FAAH2: variants seen among roughly 807,000 people sequenced by gnomAD.
FAAH2 encodes fatty acid amide hydrolase 2, also known as fatty-acid amide hydrolase 2.
In FAAH2, 60 loss-of-function variants were observed where a neutral mutation model predicts 36.9. The observed-to-expected ratio is 1.63, with a 90% confidence interval of 1.32 to 2.02. FAAH2 has a LOEUF of 2.02. Among genes scored for constraint, FAAH2 ranks in the 30% most tolerant of loss-of-function variants. The pLI is 0.00. For missense variants in FAAH2, 689 were observed against 397.5 expected (o/e 1.73, Z -6.23); for synonymous variants, 214 against 143.8 (o/e 1.49, Z -3.49).
intron 10 of FAAH2, among the ~76,000 whole-genome samples, chrX:57,455,507 C>T (rs1334028112): frequency 1.8e-5 from 2 of 110,854 alleles, no homozygotes; most frequent in Non-Finnish European, 3.8e-5. Context: ...GAGTGGCAAG[C>T]TAGATAAAAA....
chrX:57,209,694 A>C, the FAAH2 span, among the ~76,000 whole-genome samples: 1 of 111,564 alleles, frequency 9.0e-6, no homozygotes, highest in African/African-American at 3.3e-5. Context: ...CTGTTTTCTC[A>C]GTAGGTCATC....
At chrX:57,253,432 C>T in the FAAH2 span, among the ~76,000 whole-genome samples, 1 of 111,593 alleles carries the variant, frequency 9.0e-6, no homozygotes, top group Non-Finnish European at 1.9e-5. Flanking sequence ...CAAAAAGATA[C>T]TCTTTGAGAA....
At chrX:57,143,691 T>C in the FAAH2 span, among the ~76,000 whole-genome samples, 1 of 111,180 alleles carries the variant, frequency 9.0e-6, no homozygotes, top group South Asian at 3.8e-4. Context: ...TTGCCTGGGC[T>C]GGTCTTGAAC....
the FAAH2 span, among the ~76,000 whole-genome samples, chrX:57,209,943 TG>T: frequency 1.8e-5 from 2 of 109,539 alleles, no homozygotes; most frequent in African/African-American, 6.7e-5. Flanking sequence ...GTTAATTATG[TG>T]GTTTTTTTTT....
At chrX:57,441,213 C>T (rs754358914) in intron 8 of FAAH2, among the ~76,000 whole-genome samples, 21 of 111,273 alleles carry the variant, frequency 1.9e-4, no homozygotes, top group Non-Finnish European at 3.8e-4. Flanking sequence ...TGGTAGAATT[C>T]GGCTATGAAT....
the FAAH2 span, among the ~76,000 whole-genome samples, chrX:57,257,551 G>A: frequency 9.1e-6 from 1 of 109,814 alleles, no homozygotes; most frequent in African/African-American, 3.3e-5. Flanking sequence ...CGGGGGGTGG[G>A]GGTCTAGGGG....
intron 10 of FAAH2, among the ~76,000 whole-genome samples, chrX:57,481,050 G>T (rs1381465947): frequency 9.7e-6 from 1 of 103,375 alleles, no homozygotes; most frequent in Non-Finnish European, 2.0e-5. Context: ...TGTTACTTTT[G>T]TATGCTTCAC....
the FAAH2 span, among the ~76,000 whole-genome samples, chrX:57,274,914 G>A: frequency 5.4e-5 from 6 of 111,662 alleles, no homozygotes; most frequent in Non-Finnish European, 1.1e-4. Context: ...GGGTAATCAG[G>A]CAGGAGAAAG....
chrX:57,247,487 CCT>C, the FAAH2 span, among the ~76,000 whole-genome samples: 28 of 107,858 alleles, frequency 2.6e-4, no homozygotes, highest in Admixed American at 3.0e-4. Context: ...TCCCTCCATC[CCT>C]CTCTCTCTCT....
chrX:57,178,065 G>A, the FAAH2 span, among the ~76,000 whole-genome samples: 7 of 111,640 alleles, frequency 6.3e-5, no homozygotes, highest in Non-Finnish European at 3.8e-5. Context: ...GCCATAGAGT[G>A]TTTACAAGGA....
At chrX:57,209,848 A>G in the FAAH2 span, among the ~76,000 whole-genome samples, 1 of 110,806 alleles carries the variant, frequency 9.0e-6, no homozygotes, top group Non-Finnish European at 1.9e-5. Context: ...TCTTTTGGGA[A>G]CTCAGGTTTG....
At chrX:57,377,471 T>C (rs1230012627) in intron 5 of FAAH2, among the ~76,000 whole-genome samples, 1 of 112,062 alleles carries the variant, frequency 8.9e-6, no homozygotes, top group South Asian at 3.7e-4. Context: ...TGTGGCATTA[T>C]ATCTGAGGGA....
intron 7 of FAAH2, among the ~76,000 whole-genome samples, chrX:57,424,830 G>T (rs2056120806): frequency 8.9e-6 from 1 of 111,833 alleles, no homozygotes; most frequent in African/African-American, 3.3e-5. Flanking sequence ...AAAAATGTGG[G>T]TGTTATGACA....
At chrX:57,167,025 T>G in the FAAH2 span, among the ~76,000 whole-genome samples, 1 of 111,592 alleles carries the variant, frequency 9.0e-6, no homozygotes, top group Non-Finnish European at 1.9e-5. Context: ...CCAAGTAGTT[T>G]TTATTTACAC....
intron 7 of FAAH2, chrX:57,394,077 C>A: frequency 1.4e-6 from 1 of 726,398 alleles, no homozygotes; most frequent in Non-Finnish European, 2.2e-6. Flanking sequence ...ATAGCCGCAG[C>A]AACAAGGTTA....
At chrX:57,278,164 T>G in the FAAH2 span, among the ~76,000 whole-genome samples, 2 of 111,558 alleles carry the variant, frequency 1.8e-5, no homozygotes, top group African/African-American at 6.5e-5. Context: ...GCTACCTGAT[T>G]TCAAACTATA....
chrX:57,201,428 C>G, the FAAH2 span, among the ~76,000 whole-genome samples: 1 of 102,990 alleles, frequency 9.7e-6, no homozygotes, highest in East Asian at 2.9e-4. Flanking sequence ...ACTTTTTACT[C>G]CATAAAAAAA....
At chrX:57,368,409 T>C (rs1462469603) in intron 5 of FAAH2, among the ~76,000 whole-genome samples, 3 of 111,144 alleles carry the variant, frequency 2.7e-5, no homozygotes, top group Admixed American at 9.6e-5. Context: ...ACCAGCCTGG[T>C]GTCCTGCCCC....
intron 7 of FAAH2, among the ~76,000 whole-genome samples, chrX:57,415,878 C>G: frequency 9.0e-6 from 1 of 111,179 alleles, no homozygotes. Context: ...TTGTAGGTCT[C>G]TAAGAACTTG....
Sources: allele counts gnomAD v4.1 joint callset (sites outside exome capture counted in the v4.1 genomes callset), GRCh38; gene constraint gnomAD v4.1.1; transcripts MANE v1.5; gene names NCBI Gene and HGNC (gene_info 2026-07-23, HGNC 2026-07-21).